OPA1: variants seen among roughly 807,000 people sequenced by gnomAD.
The protein encoded by OPA1 is OPA1 mitochondrial dynamin like GTPase, also known as dynamin-like GTPase OPA1, mitochondrial.
OPA1 carries 59 observed loss-of-function variants against 152.9 expected under a neutral mutation model. The observed-to-expected ratio is 0.39, with a 90% CI of 0.31 to 0.48. OPA1 has a LOEUF of 0.48. Ranked by LOEUF, OPA1 falls within the 20% of genes least tolerant of loss-of-function variation. The pLI is 0.96. For synonymous variants in OPA1, 400 were observed against 389.9 expected (o/e 1.03, Z -0.31); for missense variants, 1,008 against 1,216.8 (o/e 0.83, Z 2.55).
intron 26 of OPA1, among the ~76,000 whole-genome samples, chr3:193,663,922 A>C (rs182259947): frequency 6.6e-6 from 1 of 152,310 alleles, no homozygotes; most frequent in East Asian, 1.9e-4. Flanking sequence ...TGTTGGTCCC[A>C]GCTCTCGTTA....
At chr3:193,690,280 T>G in intron 29 of OPA1, among the ~76,000 whole-genome samples, 1 of 149,650 alleles carries the variant, frequency 6.7e-6, no homozygotes, top group Admixed American at 6.7e-5. Flanking sequence ...TCTCAATACA[T>G]AGCTTGATTA....
chr3:193,608,408 G>T (rs1044441933), intron 1 of OPA1, among the ~76,000 whole-genome samples: 19 of 152,104 alleles, frequency 1.2e-4, no homozygotes, highest in African/African-American at 4.6e-4. Flanking sequence ...TTGTGTCTTT[G>T]TTCTCATTGG....
At chr3:193,606,883 A>G (rs1029454369) in intron 1 of OPA1, among the ~76,000 whole-genome samples, 24 of 152,308 alleles carry the variant, frequency 1.6e-4, no homozygotes, top group Admixed American at 4.6e-4. Context: ...AGTCCCACCA[A>G]CAGTGTAAAA....
intron 7 of OPA1, among the ~76,000 whole-genome samples, chr3:193,629,354 A>G (rs1487227158): frequency 2.0e-5 from 3 of 152,236 alleles, no homozygotes; most frequent in Non-Finnish European, 4.4e-5. Context: ...ATTCAAATTT[A>G]TAAACATCTT....
chr3:193,623,832 G>T (rs1730585614), intron 6 of OPA1, among the ~76,000 whole-genome samples: 1 of 152,212 alleles, frequency 6.6e-6, no homozygotes, highest in Non-Finnish European at 1.5e-5. Flanking sequence ...CTTAGAGGCT[G>T]TGTGGCCATC....
At chr3:193,625,762 A>G (rs959888585) in intron 6 of OPA1, among the ~76,000 whole-genome samples, 1 of 151,914 alleles carries the variant, frequency 6.6e-6, no homozygotes, top group African/African-American at 2.4e-5. Context: ...TTAGACCAGT[A>G]AGATCAACAC....
At chr3:193,679,981 G>T (rs754059738) in intron 29 of OPA1, among the ~76,000 whole-genome samples, 1 of 152,008 alleles carries the variant, frequency 6.6e-6, no homozygotes, top group Non-Finnish European at 1.5e-5. Context: ...AGATAAACTC[G>T]GTGATAAACC....
At chr3:193,643,763 A>C in intron 15 of OPA1, 136 bp downstream of exon 15, 1 of 921,556 alleles carries the variant, frequency 1.1e-6, no homozygotes, top group Non-Finnish European at 1.7e-6. Context: ...TCATTTTATT[A>C]GTAAATTAAA....
chr3:193,668,384 T>C (rs540569735), intron 29 of OPA1: 9 of 1,551,426 alleles, frequency 5.8e-6, no homozygotes, highest in Non-Finnish European at 7.0e-6. Context: ...GCACCCAGCA[T>C]TGACACTTCT....
chr3:193,618,716 T>C (rs1729484785), intron 5 of OPA1, 153 bp from the exon 6 acceptor site: 1 of 674,002 alleles, frequency 1.5e-6, no homozygotes, highest in Non-Finnish European at 2.6e-6. Flanking sequence ...ATCAGTCATG[T>C]TCCTTAAAAT....
At chr3:193,679,038 C>A (rs1003241787) in intron 29 of OPA1, among the ~76,000 whole-genome samples, 5 of 151,680 alleles carry the variant, frequency 3.3e-5, no homozygotes, top group African/African-American at 1.2e-4. Flanking sequence ...GTACAGAAAA[C>A]CAAACACCAC....
intron 11 of OPA1, among the ~76,000 whole-genome samples, 200 bp from the exon 12 acceptor site, chr3:193,642,565 T>C (rs1733947860): frequency 6.6e-6 from 1 of 152,164 alleles, no homozygotes; most frequent in Admixed American, 6.5e-5. Context: ...ATATATGACA[T>C]ATATACAAAC....
At chr3:193,677,852 A>C (rs1719439879) in intron 29 of OPA1, among the ~76,000 whole-genome samples, 2 of 152,184 alleles carry the variant, frequency 1.3e-5, no homozygotes, top group Admixed American at 6.5e-5. Flanking sequence ...CAAGTAACCT[A>C]CTGCTGGTTG....
chr3:193,653,160 C>T (rs1712942042), intron 21 of OPA1, among the ~76,000 whole-genome samples: 2 of 152,184 alleles, frequency 1.3e-5, no homozygotes, highest in Non-Finnish European at 2.9e-5. Context: ...GTCATTAACT[C>T]AGTGACTAAA....
intron 29 of OPA1, among the ~76,000 whole-genome samples, chr3:193,685,771 CAAAA>C (rs904622092): frequency 4.0e-5 from 6 of 150,696 alleles, no homozygotes; most frequent in South Asian, 2.2e-4. Context: ...AAGGAATAAA[CAAAA>C]AAAATTTAAA....
At chr3:193,681,945 C>T (rs1720206538) in intron 29 of OPA1, among the ~76,000 whole-genome samples, 1 of 152,244 alleles carries the variant, frequency 6.6e-6, no homozygotes, top group African/African-American at 2.4e-5. Flanking sequence ...CTACAATGGC[C>T]TCTACATGTT....
At chr3:193,623,859 A>G (rs533776072) in intron 6 of OPA1, among the ~76,000 whole-genome samples, 1 of 152,290 alleles carries the variant, frequency 6.6e-6, no homozygotes, top group Non-Finnish European at 1.5e-5. Flanking sequence ...TATTTAGGGT[A>G]AGACTGGTGC....
At chr3:193,630,521 CA>C (rs1180692562) in intron 7 of OPA1, among the ~76,000 whole-genome samples, 1 of 152,106 alleles carries the variant, frequency 6.6e-6, no homozygotes, top group African/African-American at 2.4e-5. Flanking sequence ...ATGTCTACCT[CA>C]ATAAGCAAAT....
chr3:193,596,107 G>A (rs1462400767), intron 1 of OPA1, among the ~76,000 whole-genome samples: 4 of 151,592 alleles, frequency 2.6e-5, no homozygotes, highest in Non-Finnish European at 5.9e-5. Context: ...TTCATCCCAC[G>A]GGATGCATTC....
Sources: allele counts gnomAD v4.1 joint callset (sites outside exome capture counted in the v4.1 genomes callset), GRCh38; gene constraint gnomAD v4.1.1; transcripts MANE v1.5; gene names NCBI Gene and HGNC (gene_info 2026-07-23, HGNC 2026-07-21).